The following AXDND1 variants were observed in gnomAD, a reference collection of about 807,000 sequenced individuals.
AXDND1 encodes the protein axonemal dynein light chain domain containing 1, also known as axonemal dynein light chain domain-containing protein 1.
Under a neutral mutation model 137.5 loss-of-function variants are expected in AXDND1, and 110 were observed. That is an observed-to-expected ratio of 0.80 (90% CI 0.69 to 0.94). The LOEUF (loss-of-function observed/expected upper bound fraction) is 0.94. Among genes scored for constraint, AXDND1 ranks in the 40% least tolerant of loss-of-function variants. AXDND1 has a pLI of 0.00. For synonymous variants in AXDND1, 414 were observed against 399.7 expected, an observed-to-expected ratio of 1.04 and a Z score of -0.43; for missense variants, 1,191 against 1,169.8, an observed-to-expected ratio of 1.02 and a Z score of -0.26.
chr1:179,389,314 G>A (rs11803938), intron 9 of AXDND1, among the ~76,000 whole-genome samples: 44,503 of 152,020 alleles, frequency 0.29, 6,708 homozygotes, highest in Non-Finnish European at 0.31. Context: ...CATTTCATGC[G>A]TAGTCTTATA....
At chr1:179,415,140 A>C (rs11585325) in intron 12 of AXDND1, among the ~76,000 whole-genome samples, 1 of 151,978 alleles carries the variant, frequency 6.6e-6, no homozygotes, top group Non-Finnish European at 1.5e-5. Flanking sequence ...TTAGGAGCTC[A>C]AGACCAGCCT....
chr1:179,394,955 GA>G, intron 10 of AXDND1, 142 bp from the exon 11 acceptor site: 1 of 582,208 alleles, frequency 1.7e-6, no homozygotes, highest in South Asian at 2.3e-5. Flanking sequence ...TCAATTTCTT[GA>G]TTTGGTTTAT....
rs979678688 is a variant in AXDND1, at chr1:179,495,676, A to G, written c.2388+2725A>G. ...GGACAGTTTTATTTCTTCCTTTCCA[A>G]TCTGTATATATTTTTTCTTTTTCTT... On this transcript the variant is annotated intron_variant, in intron 20 of 25. Transcript: ENST00000367618. Among the ~76,000 whole-genome samples, 5 of 151,658 alleles carry G rather than the reference A, an allele frequency of 3.3e-5. No homozygotes were observed. In the East Asian group the frequency reaches 9.6e-4, roughly 29 times the overall value.
chr1:179,445,024 G>A lies in AXDND1; in HGVS notation c.1618G>A (p.Asp540Asn), dbSNP rs371568732. The A allele has an allele frequency of 6.2e-6, 10 of 1,612,856 alleles. No individual in the cohort carries two copies. In the Admixed American group the frequency reaches 6.7e-5, roughly 11 times the overall value. Residue 540 changes from aspartate (D) to asparagine (N), a missense_variant, in exon 16 of 26, where the codon GAT becomes AAT. Physicochemically the swap from Asp to Asn is conservative, Grantham distance 23 (BLOSUM62 1). Transcript: ENST00000367618. Reference sequence around the variant, plus strand: ...TGGGGATGTTCTACTGTCAAAATACGATACTCTCAAGATTATTAAACATTT... The same window carrying A: ...TGGGGATGTTCTACTGTCAAAATACAATACTCTCAAGATTATTAAACATTT... ...FTGDVLLSKY[D>N]TLKIIKHLQE... is the part of the protein sequence containing the mutation.
intron 25 of AXDND1, 33 bp downstream of exon 25, chr1:179,534,995 G>C (rs6425574): frequency 4.4e-6 from 7 of 1,606,426 alleles, no homozygotes; most frequent in Non-Finnish European, 5.9e-6. Flanking sequence ...CTTTATTCAG[G>C]TTGTATTTAT....
chr1:179,491,026 C>T (rs1558261042), intron 18 of AXDND1, among the ~76,000 whole-genome samples: 1 of 152,120 alleles, frequency 6.6e-6, no homozygotes, highest in African/African-American at 2.4e-5. Context: ...TATGGCCAGG[C>T]TAAAGAAGAG....
intron 8 of AXDND1, among the ~76,000 whole-genome samples, chr1:179,384,603 C>T (rs1286853847): frequency 6.6e-6 from 1 of 151,722 alleles, no homozygotes; most frequent in African/African-American, 2.4e-5. Context: ...TTTTCTTGAC[C>T]TTGTTGTTTT....
intron 5 of AXDND1, 146 bp from the exon 6 acceptor site, chr1:179,379,251 A>G: frequency 2.6e-6 from 2 of 759,366 alleles, no homozygotes; most frequent in Non-Finnish European, 4.1e-6. Context: ...GCTATGACCC[A>G]CATTGCTAAT....
intron 9 of AXDND1, 138 bp downstream of exon 9, chr1:179,385,497 TC>T: frequency 9.9e-7 from 1 of 1,006,996 alleles, no homozygotes. Flanking sequence ...CATTTTTTTT[TC>T]TTTTTTGTTA....
chr1:179,538,840 G>C (rs1671805855), intron 25 of AXDND1, among the ~76,000 whole-genome samples: 1 of 152,096 alleles, frequency 6.6e-6, no homozygotes, highest in African/African-American at 2.4e-5. Flanking sequence ...TCTCTTTGTA[G>C]GTCTCTAAAA....
intron 11 of AXDND1, among the ~76,000 whole-genome samples, chr1:179,408,269 C>T (rs1653285290): frequency 6.6e-6 from 1 of 151,796 alleles, no homozygotes; most frequent in Non-Finnish European, 1.5e-5. Context: ...TTATAAATTT[C>T]CTTTCTGTTG....
At chr1:179,518,713 A>T (rs1669783820) in intron 21 of AXDND1, among the ~76,000 whole-genome samples, 1 of 152,184 alleles carries the variant, frequency 6.6e-6, no homozygotes, top group Non-Finnish European at 1.5e-5. Flanking sequence ...TGCAAATGAC[A>T]TGATCTCATT....
chr1:179,544,127 C>A (rs187458228), intron 25 of AXDND1: 3 of 152,604 alleles, frequency 2.0e-5, no homozygotes, highest in Non-Finnish European at 4.4e-5. Context: ...TTGTAACAGC[C>A]ACTAGAAAAG....
intron 12 of AXDND1, among the ~76,000 whole-genome samples, chr1:179,424,470 C>T (rs935379761): frequency 4.0e-5 from 6 of 148,342 alleles, no homozygotes; most frequent in African/African-American, 1.5e-4. Context: ...CTCTGTCACC[C>T]AGGCTGGAGT....
intron 18 of AXDND1, 51 bp from the exon 19 acceptor site, chr1:179,491,487 T>C (rs1666888987): frequency 8.1e-7 from 1 of 1,233,716 alleles, no homozygotes; most frequent in African/African-American, 1.5e-5. Flanking sequence ...TGATTTTTAC[T>C]GTTTGATTTA....
At chr1:179,483,309 G>T (rs1311343792) in intron 18 of AXDND1, 88 bp downstream of exon 18, 4 of 832,898 alleles carry the variant, frequency 4.8e-6, no homozygotes, top group Non-Finnish European at 7.4e-6. Flanking sequence ...CTATTTAAAT[G>T]AAGCAGGAGG....
rs772297117 is a variant in AXDND1, at chr1:179,551,428, C to T, written c.3032-3084C>T. ...CCATCCTCAGGGACTCAGAAGCAGC[C>T]TTTTCCGCTTCTGCAGCAATCATCT... is the stretch of plus-strand genomic sequence containing the variant. On this transcript the variant is annotated intron_variant, in intron 25 of 25. Coordinates refer to ENST00000367618, the MANE Select transcript of AXDND1 (RefSeq NM_144696.6). 3.7e-6 allele frequency: 6 copies of T among 1,613,676 alleles called. No individual in the cohort carries two copies. The Admixed American group carries it at 1.0e-4, about 27-fold the overall frequency.
intron 18 of AXDND1, among the ~76,000 whole-genome samples, chr1:179,485,093 G>A (rs963886575): frequency 2.0e-5 from 3 of 152,202 alleles, no homozygotes; most frequent in African/African-American, 7.2e-5. Context: ...CATGCACAGG[G>A]ACATTGGTGG....
At chr1:179,379,182 G>T (rs138843827) in intron 5 of AXDND1, among the ~76,000 whole-genome samples, 1 of 152,116 alleles carries the variant, frequency 6.6e-6, no homozygotes, top group African/African-American at 2.4e-5. Context: ...TAGCACCAAG[G>T]TTATTCTTTA....
Sources: gnomAD v4.1 joint callset for allele counts (sites outside exome capture counted in the v4.1 genomes callset) on GRCh38, gnomAD v4.1.1 for gene constraint, MANE v1.5 for transcripts, NCBI Gene and HGNC (gene_info 2026-07-23, HGNC 2026-07-21) for gene names.